The following NFIA variants were observed in gnomAD, a reference collection of about 807,000 sequenced individuals.
NFIA encodes the protein nuclear factor I A.
A neutral mutation model predicts 62.8 loss-of-function variants in NFIA; 8 were observed. The observed-to-expected ratio is 0.13, with a 90% CI of 0.07 to 0.23. The LOEUF is 0.23. Among genes scored for constraint, NFIA ranks in the 10% least tolerant of loss-of-function variants. The pLI, the probability that NFIA is intolerant of heterozygous loss-of-function variation, is 1.00. For synonymous variants in NFIA, 235 were observed against 238.1 expected (o/e 0.99, Z 0.12); for missense variants, 410 against 642.1 (o/e 0.64, Z 3.91).
chr1:61,321,025 A>G (rs1660652046), intron 3 of NFIA, among the ~76,000 whole-genome samples: 1 of 152,216 alleles, frequency 6.6e-6, no homozygotes, highest in Non-Finnish European at 1.5e-5. Flanking sequence ...GATGCAGAAC[A>G]TAAAAACAAT....
In NFIA at chr1:61,460,373, A is replaced by G. The variant is rs1668482804; in HGVS notation, c.*5053A>G. On this transcript the variant is annotated 3_prime_UTR_variant, in exon 11 of 11. Transcript: ENST00000403491. ...TAACTGTAGTGAATACTGTGTCACC[A>G]ATTTTGAAATCAATTTAATGTTTAA... The G allele has an allele frequency of 6.6e-6, 1 of 152,228 alleles. No homozygotes were observed. The highest frequency in any genetic ancestry group is 2.1e-4 in the South Asian group (1 of 4,836). The allele number at this position is 152,228 out of a possible 1,614,324, so 9.4% of individuals were successfully genotyped here.
chr1:61,399,143 A>G (rs1218726936), intron 7 of NFIA, among the ~76,000 whole-genome samples: 1 of 152,212 alleles, frequency 6.6e-6, no homozygotes, highest in East Asian at 1.9e-4. Context: ...CTGAAGACAG[A>G]TAAGAAGGTT....
intron 6 of NFIA, among the ~76,000 whole-genome samples, chr1:61,360,924 A>G (rs1663254272): frequency 6.6e-6 from 1 of 152,178 alleles, no homozygotes; most frequent in Non-Finnish European, 1.5e-5. Context: ...CTAGTCTTTC[A>G]TTCATTCACT....
intron 2 of NFIA, among the ~76,000 whole-genome samples, chr1:61,268,340 G>T (rs1657302869): frequency 6.6e-6 from 1 of 152,056 alleles, no homozygotes; most frequent in South Asian, 2.1e-4. Flanking sequence ...GATTTTTTCA[G>T]AGTTTAGTCA....
chr1:61,414,235 G>A (rs1245698793), intron 9 of NFIA, among the ~76,000 whole-genome samples: 4 of 151,508 alleles, frequency 2.6e-5, no homozygotes, highest in Non-Finnish European at 4.4e-5. Flanking sequence ...CACCTGCCTC[G>A]GCCTCCCAAA....
upstream of NFIA, among the ~76,000 whole-genome samples, chr1:61,079,954 TCA>T (rs773843438): frequency 5.9e-5 from 9 of 152,206 alleles, no homozygotes; most frequent in Non-Finnish European, 1.2e-4. Flanking sequence ...TGTATTTTTC[TCA>T]GTCTTGTTTC....
At chr1:61,355,110 C>A (rs998770155) in intron 5 of NFIA, among the ~76,000 whole-genome samples, 1 of 152,260 alleles carries the variant, frequency 6.6e-6, no homozygotes, top group South Asian at 2.1e-4. Flanking sequence ...TAGGGTAATA[C>A]TTTTACCTTA....
At chr1:61,078,325 T>A (rs1329568935), upstream of NFIA, among the ~76,000 whole-genome samples, 1 of 152,144 alleles carries the variant, frequency 6.6e-6, no homozygotes, top group East Asian at 1.9e-4. Context: ...CCTTGTCTTT[T>A]GGAAAAAGAA....
intron 2 of NFIA, among the ~76,000 whole-genome samples, chr1:61,221,520 A>T (rs942978508): frequency 2.6e-5 from 4 of 152,282 alleles, no homozygotes; most frequent in Middle Eastern, 3.4e-3. Context: ...GACACTTAGC[A>T]TTTATTGTAA....
chr1:61,111,303 C>T (rs1646690196), intron 2 of NFIA, among the ~76,000 whole-genome samples: 1 of 152,222 alleles, frequency 6.6e-6, no homozygotes, highest in Non-Finnish European at 1.5e-5. Context: ...CTACTGTGCG[C>T]TTATTCTGTA....
chr1:61,176,280 T>C (rs1171773861), intron 2 of NFIA, among the ~76,000 whole-genome samples: 2 of 152,106 alleles, frequency 1.3e-5, no homozygotes, highest in South Asian at 2.1e-4. Flanking sequence ...CCCCACCCTT[T>C]TTAATTTTTG....
chr1:61,093,058 G>A (rs1438888153), intron 2 of NFIA, among the ~76,000 whole-genome samples: 20 of 152,084 alleles, frequency 1.3e-4, no homozygotes, highest in Non-Finnish European at 8.8e-5. Flanking sequence ...GATTGTTACA[G>A]TTTATAATTT....
At chr1:61,328,426 A>G (rs1661081193) in intron 3 of NFIA, among the ~76,000 whole-genome samples, 1 of 32,592 alleles carries the variant, frequency 3.1e-5, no homozygotes, top group African/African-American at 1.5e-4. Context: ...TTTTATATAT[A>G]TATATTTTTT....
chr1:61,401,825 G>A (rs932642825), intron 7 of NFIA, among the ~76,000 whole-genome samples: 4 of 152,102 alleles, frequency 2.6e-5, no homozygotes, highest in African/African-American at 4.8e-5. Flanking sequence ...GCAGGGTACC[G>A]AGTACAAGTT....
intron 3 of NFIA, among the ~76,000 whole-genome samples, chr1:61,287,447 C>G (rs1178961646): frequency 6.6e-6 from 1 of 152,116 alleles, no homozygotes; most frequent in Non-Finnish European, 1.5e-5. Context: ...CTCTCGTGAC[C>G]CCATTAGATT....
intron 10 of NFIA, among the ~76,000 whole-genome samples, chr1:61,451,164 T>C (rs746862173): frequency 2.6e-5 from 4 of 152,206 alleles, no homozygotes; most frequent in Admixed American, 6.5e-5. Flanking sequence ...CGGATAGATA[T>C]TGTTTATGGT....
chr1:61,245,412 A>G (rs534752238), intron 2 of NFIA, among the ~76,000 whole-genome samples: 3 of 152,198 alleles, frequency 2.0e-5, no homozygotes, highest in Non-Finnish European at 4.4e-5. Flanking sequence ...AATGTTTTCC[A>G]TATATTATGG....
chr1:61,133,980 G>A (rs918460810), intron 2 of NFIA, among the ~76,000 whole-genome samples: 2 of 152,042 alleles, frequency 1.3e-5, no homozygotes, highest in African/African-American at 4.8e-5. Flanking sequence ...ACAAAAATTA[G>A]CCGGGCGTGG....
At chr1:61,096,036 G>GA (rs1399147470) in intron 2 of NFIA, among the ~76,000 whole-genome samples, 10 of 151,798 alleles carry the variant, frequency 6.6e-5, no homozygotes, top group African/African-American at 1.7e-4. Context: ...ACTTTGCTCT[G>GA]AAAAAATCCT....
Sources: gnomAD v4.1 joint callset for allele counts (sites outside exome capture counted in the v4.1 genomes callset) on GRCh38, gnomAD v4.1.1 for gene constraint, MANE v1.5 for transcripts, NCBI Gene and HGNC (gene_info 2026-07-23, HGNC 2026-07-21) for gene names.